Variants in SLCO5A1 observed in about 807,000 individuals in gnomAD.
SLCO5A1 encodes solute carrier organic anion transporter family member 5A1, also known as organic anion transporter polypeptide-related protein 4.
Under a neutral mutation model 65.1 loss-of-function variants are expected in SLCO5A1, and 39 were observed. The ratio of observed to expected loss-of-function variants is 0.60; its 90% CI spans 0.46 to 0.78. SLCO5A1 has a LOEUF of 0.78. Among genes scored for constraint, SLCO5A1 ranks in the 30% least tolerant of loss-of-function variants. The pLI is 0.00. For synonymous variants in SLCO5A1, 438 were observed against 415.7 expected, an observed-to-expected ratio of 1.05 and a Z score of -0.65; for missense variants, 1,029 against 1,069.4, an observed-to-expected ratio of 0.96 and a Z score of 0.53.
At chr8:69,770,745 T>G (rs1818287029) in intron 2 of SLCO5A1, among the ~76,000 whole-genome samples, 1 of 152,118 alleles carries the variant, frequency 6.6e-6, no homozygotes, top group Non-Finnish European at 1.5e-5. Flanking sequence ...CCTAGCTGCC[T>G]CCTCACTGCC....
rs147533271 is a variant in SLCO5A1 at position 69,717,442 on chromosome 8, A to G, written c.1424-12213T>C. On this transcript the variant is annotated intron_variant, in intron 5 of 9. Transcript: ENST00000260126. The stretch of plus-strand genomic sequence containing the variant: ...AGGTTATTTCTGGGGTCTCTACCCT[A>G]TTTTACTGATGTTTTTGTCTGCTTT... Among the ~76,000 whole-genome samples, 177 of 152,266 alleles carry G rather than the reference A, an allele frequency of 1.2e-3. 3 individuals carry two copies. The highest frequency in any genetic ancestry group is 0.011 in the Admixed American group (162 of 15,302).
chr8:69,792,336 G>A (rs1819308764), intron 2 of SLCO5A1, among the ~76,000 whole-genome samples: 1 of 152,154 alleles, frequency 6.6e-6, no homozygotes, highest in African/African-American at 2.4e-5. Context: ...AAAGGGGGCA[G>A]GAGGGCAAAA....
chr8:69,672,843 A>C lies in SLCO5A1; in HGVS notation c.*26T>G. 1.3e-6 allele frequency: 2 copies of C among 1,575,428 alleles called. No homozygotes were observed. The highest frequency in any genetic ancestry group is 2.7e-5 in the African/African-American group (2 of 72,986). ...GTCGCCATTTTCAATTCAACCAACA[A>C]AACTAAATTCTTCCATTTTCAAGCT... On this transcript the variant is annotated 3_prime_UTR_variant, in exon 10 of 10. Transcript: ENST00000260126.
intron 8 of SLCO5A1, among the ~76,000 whole-genome samples, chr8:69,677,777 C>G (rs1346973110): frequency 6.6e-6 from 1 of 152,254 alleles, no homozygotes; most frequent in African/African-American, 2.4e-5. Flanking sequence ...GTGCAGCCAA[C>G]TGCCCTTGCT....
At chr8:69,778,253 G>A (rs1292020103) in intron 2 of SLCO5A1, among the ~76,000 whole-genome samples, 1 of 151,866 alleles carries the variant, frequency 6.6e-6, no homozygotes, top group Non-Finnish European at 1.5e-5. Context: ...GTGTGTGTGT[G>A]TGTGTGTGCA....
At chr8:69,703,110 CAAAAAAAAAA>C (rs34113730) in intron 6 of SLCO5A1, among the ~76,000 whole-genome samples, 3 of 82,830 alleles carry the variant, frequency 3.6e-5, no homozygotes, top group African/African-American at 1.3e-4. Context: ...GACTCTGTTT[CAAAAAAAAAA>C]AAAAGAAAAA....
chr8:69,825,121 T>C (rs1739131819), intron 2 of SLCO5A1, among the ~76,000 whole-genome samples: 1 of 152,108 alleles, frequency 6.6e-6, no homozygotes, highest in Non-Finnish European at 1.5e-5. Flanking sequence ...ATTGATGGGA[T>C]GTATCTCAAA....
intron 2 of SLCO5A1, among the ~76,000 whole-genome samples, chr8:69,774,263 G>T (rs541495571): frequency 6.6e-6 from 1 of 152,296 alleles, no homozygotes; most frequent in South Asian, 2.1e-4. Context: ...CCTCAGGGCT[G>T]CCCTGTTGCA....
At chr8:69,804,458 C>G (rs918943808) in intron 2 of SLCO5A1, among the ~76,000 whole-genome samples, 3 of 152,100 alleles carry the variant, frequency 2.0e-5, no homozygotes, top group African/African-American at 7.2e-5. Context: ...GGATTACAGG[C>G]ACAGGCCACC....
At chr8:69,825,813 C>A (rs1466705071) in intron 2 of SLCO5A1, among the ~76,000 whole-genome samples, 3 of 152,180 alleles carry the variant, frequency 2.0e-5, no homozygotes, top group Non-Finnish European at 1.5e-5. Flanking sequence ...AAAGAGCCCA[C>A]ATTGCCAAGT....
At position 69,695,669 on chromosome 8, in the gene SLCO5A1, T is replaced by C. The variant is rs375830952; in HGVS notation, c.1622+9362A>G. On this transcript the variant is annotated intron_variant, in intron 6 of 9. Transcript: ENST00000260126. Reference sequence around the variant, plus strand: ...AATTATGCTTGTAACCAGGAGAGATTGACATTATCACCAATTTTATATATG... The same window carrying C: ...AATTATGCTTGTAACCAGGAGAGATCGACATTATCACCAATTTTATATATG... Among the ~76,000 whole-genome samples the C allele has an allele frequency of 5.9e-5, 9 of 152,122 alleles. 1 individual carries two copies. Among genetic ancestry groups the C allele is most frequent in the East Asian group, 5.8e-4 (3 of 5,160 alleles).
At chr8:69,712,340 GTGGCTGCA>G (rs1393775368) in intron 5 of SLCO5A1, among the ~76,000 whole-genome samples, 1 of 152,140 alleles carries the variant, frequency 6.6e-6, no homozygotes, top group African/African-American at 2.4e-5. Context: ...CCCCAATTTT[GTGGCTGCA>G]TGGAGCCAAA....
chr8:69,831,655 T>G (rs1563381779), intron 2 of SLCO5A1, 112 bp downstream of exon 2: 3 of 1,189,580 alleles, frequency 2.5e-6, no homozygotes, highest in Non-Finnish European at 2.3e-6. Context: ...AAAGTGAACT[T>G]TAATCTATAA....
At chr8:69,799,770 C>T (rs1344604694) in intron 2 of SLCO5A1, among the ~76,000 whole-genome samples, 3 of 152,142 alleles carry the variant, frequency 2.0e-5, no homozygotes, top group East Asian at 1.9e-4. Flanking sequence ...CTTGTGAGAA[C>T]TCACTATCAC....
chr8:69,797,294 C>A (rs1819544453), intron 2 of SLCO5A1, among the ~76,000 whole-genome samples: 1 of 152,192 alleles, frequency 6.6e-6, no homozygotes, highest in South Asian at 2.1e-4. Flanking sequence ...AACTCTTAAT[C>A]CCGTCATCTT....
intron 5 of SLCO5A1, 55 bp downstream of exon 5, chr8:69,737,985 C>T: frequency 6.4e-7 from 1 of 1,564,928 alleles, no homozygotes. Context: ...TTACCCATTC[C>T]ATTTCATGGT....
intron 5 of SLCO5A1, among the ~76,000 whole-genome samples, chr8:69,717,511 G>A (rs912022850): frequency 1.3e-5 from 2 of 152,188 alleles, no homozygotes; most frequent in African/African-American, 2.4e-5. Context: ...TTTTCAGTAA[G>A]TTTTGAAATT....
intron 1 of SLCO5A1, 107 bp downstream of exon 1, chr8:69,834,747 C>CACACACACAT (rs1241996512): frequency 1.5e-5 from 1 of 68,962 alleles, no homozygotes; most frequent in African/African-American, 7.0e-5. Context: ...CACACACACA[C>CACACACACAT]ACACACACAC....
intron 2 of SLCO5A1, among the ~76,000 whole-genome samples, chr8:69,827,064 G>A (rs1217111581): frequency 4.8e-5 from 7 of 147,366 alleles, no homozygotes; most frequent in African/African-American, 1.5e-4. Context: ...ACCAAACACC[G>A]CATATTCTCA....
Sources: allele counts gnomAD v4.1 joint callset (sites outside exome capture counted in the v4.1 genomes callset), GRCh38; gene constraint gnomAD v4.1.1; transcripts MANE v1.5; gene names NCBI Gene and HGNC (gene_info 2026-07-23, HGNC 2026-07-21).